L3MBTL4: variants seen among roughly 807,000 people sequenced by gnomAD.
L3MBTL4 encodes lethal(3)malignant brain tumor-like protein 4.
L3MBTL4 carries 70 observed loss-of-function variants against 84.5 expected under a neutral mutation model. The ratio of observed to expected loss-of-function variants is 0.83; its 90% CI spans 0.68 to 1.01. The LOEUF (loss-of-function observed/expected upper bound fraction) is 1.01, where lower values mean the gene tolerates loss of function less well. Ranked by LOEUF, L3MBTL4 falls within the 50% of genes least tolerant of loss-of-function variation. The pLI, the probability that L3MBTL4 is intolerant of heterozygous loss-of-function variation, is 0.00. For synonymous variants in L3MBTL4, 274 were observed against 259.8 expected, an observed-to-expected ratio of 1.05 and a Z score of -0.52; for missense variants, 715 against 754.8, an observed-to-expected ratio of 0.95 and a Z score of 0.62.
chr18:6,264,783 T>G (rs1478959034), intron 4 of L3MBTL4, among the ~76,000 whole-genome samples: 1 of 152,162 alleles, frequency 6.6e-6, no homozygotes, highest in African/African-American at 2.4e-5. Context: ...AAATCTCATC[T>G]TGGGGAAAAA....
intron 4 of L3MBTL4, among the ~76,000 whole-genome samples, chr18:6,269,286 T>C (rs987689102): frequency 1.3e-5 from 2 of 151,882 alleles, no homozygotes; most frequent in Non-Finnish European, 2.9e-5. Flanking sequence ...TGAAACCCCA[T>C]CTCTACTAAA....
At chr18:5,988,233 A>G (rs75422240) in intron 16 of L3MBTL4, among the ~76,000 whole-genome samples, 5 of 152,204 alleles carry the variant, frequency 3.3e-5, no homozygotes, top group African/African-American at 1.2e-4. Context: ...TCATTCTTAG[A>G]TGAATACTTC....
At chr18:6,064,517 G>A (rs2057336798) in intron 16 of L3MBTL4, among the ~76,000 whole-genome samples, 1 of 151,312 alleles carries the variant, frequency 6.6e-6, no homozygotes, top group South Asian at 2.1e-4. Flanking sequence ...ACATGTTTGT[G>A]CCATCTATGA....
chr18:6,038,634 C>T (rs2056260819), intron 16 of L3MBTL4, among the ~76,000 whole-genome samples: 1 of 152,132 alleles, frequency 6.6e-6, no homozygotes, highest in South Asian at 2.1e-4. Flanking sequence ...AGCGGCACTT[C>T]TGTTAAGAAG....
chr18:6,060,219 T>C (rs974152091), intron 16 of L3MBTL4, among the ~76,000 whole-genome samples: 1 of 152,168 alleles, frequency 6.6e-6, no homozygotes, highest in Non-Finnish European at 1.5e-5. Context: ...TTGAGCTATG[T>C]GGTTATCCAG....
chr18:6,180,627 C>T (rs946048759), intron 12 of L3MBTL4, among the ~76,000 whole-genome samples: 2 of 152,174 alleles, frequency 1.3e-5, no homozygotes, highest in Non-Finnish European at 2.9e-5. Context: ...TATAGGTATT[C>T]TAAACCTATT....
At chr18:6,168,437 G>A (rs1387951666) in intron 13 of L3MBTL4, among the ~76,000 whole-genome samples, 1 of 151,776 alleles carries the variant, frequency 6.6e-6, no homozygotes, top group Non-Finnish European at 1.5e-5. Flanking sequence ...ATACTACAAG[G>A]CTACAGTAAC....
At chr18:6,195,829 C>G (rs1034728147) in intron 12 of L3MBTL4, among the ~76,000 whole-genome samples, 10 of 152,136 alleles carry the variant, frequency 6.6e-5, no homozygotes, top group Non-Finnish European at 1.2e-4. Flanking sequence ...AATAAGAGAG[C>G]AGGGTTTTTC....
At chr18:6,393,537 C>T (rs968452867) in intron 1 of L3MBTL4, among the ~76,000 whole-genome samples, 27 of 152,226 alleles carry the variant, frequency 1.8e-4, no homozygotes, top group Admixed American at 1.3e-4. Context: ...GGCTAACTCA[C>T]ATTGTTCTCC....
At position 6,331,352 on chromosome 18, in the gene L3MBTL4, G is replaced by C. The variant is rs149095178; in HGVS notation, c.-90-19296C>G. 4.3e-4 allele frequency among the ~76,000 whole-genome samples: 65 copies of C among 152,264 alleles called. 1 individual carries two copies. The highest frequency in any genetic ancestry group is 1.5e-3 in the African/African-American group (64 of 41,540). ...GCTGAGAGATCAGAGATCCAAGCTT[G>C]TACTAAACATAGGTGTGGAGGTCCA... is the stretch of plus-strand genomic sequence containing the variant. On this transcript the variant is annotated intron_variant, in intron 1 of 18. Transcript: ENST00000317931.
Position 6,175,453 on chromosome 18 carries a change from G to A in L3MBTL4, c.982-3511C>T, listed in dbSNP as rs555101701. ...ATTACAGGGAGTATTTCAGGCTGAT[G>A]CTAAGTGATGCCAGATGAAAACTAC... On this transcript the variant is annotated intron_variant, in intron 12 of 18. Transcript: ENST00000317931. Among the ~76,000 whole-genome samples, 3 of 152,292 alleles carry A rather than the reference G, an allele frequency of 2.0e-5. No homozygotes were observed. In the South Asian group the frequency reaches 6.2e-4, roughly 32 times the overall value.
intron 12 of L3MBTL4, among the ~76,000 whole-genome samples, chr18:6,209,089 C>T (rs1431439688): frequency 6.6e-6 from 1 of 152,132 alleles, no homozygotes; most frequent in Non-Finnish European, 1.5e-5. Flanking sequence ...ATTGCGAAAA[C>T]ATAGAGAATA....
At chr18:6,304,286 T>C (rs1459911894) in intron 3 of L3MBTL4, among the ~76,000 whole-genome samples, 2 of 152,222 alleles carry the variant, frequency 1.3e-5, no homozygotes, top group Non-Finnish European at 2.9e-5. Context: ...GTCTGGTATC[T>C]AGTCTAGGTC....
chr18:6,094,734 G>A (rs1166866561), intron 14 of L3MBTL4, among the ~76,000 whole-genome samples: 3 of 151,848 alleles, frequency 2.0e-5, no homozygotes, highest in Admixed American at 1.3e-4. Context: ...TGAGTCCAGC[G>A]AACATAATAA....
intron 16 of L3MBTL4, among the ~76,000 whole-genome samples, chr18:5,999,845 C>T (rs927465983): frequency 1.3e-5 from 2 of 152,130 alleles, no homozygotes; most frequent in African/African-American, 4.8e-5. Context: ...GGGACAGGAC[C>T]TTGGGTGAGC....
chr18:5,984,029 A>G (rs1179855255), intron 16 of L3MBTL4, among the ~76,000 whole-genome samples: 1 of 152,180 alleles, frequency 6.6e-6, no homozygotes, highest in Non-Finnish European at 1.5e-5. Flanking sequence ...CTCCTGCCTC[A>G]GCCTCCCAAG....
intron 14 of L3MBTL4, among the ~76,000 whole-genome samples, chr18:6,106,550 T>C (rs966656235): frequency 1.6e-4 from 25 of 152,324 alleles, no homozygotes; most frequent in African/African-American, 5.1e-4. Context: ...ACTGGCCATC[T>C]GGATAATTTC....
chr18:5,991,777 C>T (rs921630576), intron 16 of L3MBTL4, among the ~76,000 whole-genome samples: 1 of 152,048 alleles, frequency 6.6e-6, no homozygotes, highest in Non-Finnish European at 1.5e-5. Flanking sequence ...TCTGTGGAGT[C>T]CTGCTCAGCT....
At chr18:6,259,702 C>T (rs913588450) in intron 5 of L3MBTL4, 2 of 151,954 alleles carry the variant, frequency 1.3e-5, no homozygotes, top group Non-Finnish European at 2.9e-5. Context: ...TTGTCATCTG[C>T]ATAGTTTGTG....
Sources: allele counts gnomAD v4.1 joint callset (sites outside exome capture counted in the v4.1 genomes callset), GRCh38; gene constraint gnomAD v4.1.1; transcripts MANE v1.5; gene names NCBI Gene and HGNC (gene_info 2026-07-23, HGNC 2026-07-21).